Variants in WWC1 observed in about 807,000 individuals in gnomAD.
WWC1 encodes protein KIBRA.
Under a neutral mutation model 138.4 loss-of-function variants are expected in WWC1, and 55 were observed. The ratio of observed to expected loss-of-function variants is 0.40; its 90% CI spans 0.32 to 0.50. The LOEUF (loss-of-function observed/expected upper bound fraction) is 0.50. WWC1 is among the 20% of genes least tolerant of loss of function. WWC1 has a pLI of 0.72. For missense variants in WWC1, 1,226 were observed against 1,420.4 expected (o/e 0.86, Z 2.20); for synonymous variants, 524 against 564.9 (o/e 0.93, Z 1.03).
chr5:168,453,849 T>A, intron 17 of WWC1, 119 bp from the exon 18 acceptor site: 1 of 1,510,162 alleles, frequency 6.6e-7, no homozygotes, highest in South Asian at 1.3e-5. Context: ...CCCAAAACTT[T>A]TTAAAATATA....
At chr5:168,321,487 TGAA>T (rs1772076063) in intron 1 of WWC1, among the ~76,000 whole-genome samples, 1 of 151,766 alleles carries the variant, frequency 6.6e-6, no homozygotes, top group African/African-American at 2.4e-5. Flanking sequence ...TCCAACTCCC[TGAA>T]GGGGGACAGG....
At position 168,313,313 on chromosome 5, in the gene WWC1, C is replaced by T. The variant is rs546383331; in HGVS notation, c.119+21042C>T. The stretch of plus-strand genomic sequence containing the variant: ...TTTATTAGAAATGCAGAATCCCAGC[C>T]GGGCACAGTGCTCATGCCTGTAGTC... On this transcript the variant is annotated intron_variant, in intron 1 of 22. Transcript: ENST00000265293. Among the ~76,000 whole-genome samples, 15 of 151,764 alleles carry T rather than the reference C, an allele frequency of 9.9e-5. 1 individual carries two copies. The highest frequency in any genetic ancestry group is 8.4e-4 in the South Asian group (4 of 4,784).
intron 1 of WWC1, among the ~76,000 whole-genome samples, chr5:168,346,511 AAC>A (rs1739619235): frequency 6.6e-6 from 1 of 152,162 alleles, no homozygotes; most frequent in Non-Finnish European, 1.5e-5. Flanking sequence ...AACAGGTAGA[AAC>A]ACAGTGCCTG....
chr5:168,437,447 C>G (rs1434491391), intron 15 of WWC1, among the ~76,000 whole-genome samples: 1 of 152,132 alleles, frequency 6.6e-6, no homozygotes, highest in East Asian at 1.9e-4. Flanking sequence ...TAATGGTACA[C>G]TTTTAAATGA....
chr5:168,296,247 A>G (rs1215234566), intron 1 of WWC1, among the ~76,000 whole-genome samples: 4 of 152,150 alleles, frequency 2.6e-5, no homozygotes, highest in African/African-American at 9.7e-5. Context: ...TCTCATAGGA[A>G]CCACCTGGGA....
At chr5:168,297,761 A>T (rs998657207) in intron 1 of WWC1, among the ~76,000 whole-genome samples, 1 of 152,086 alleles carries the variant, frequency 6.6e-6, no homozygotes, top group African/African-American at 2.4e-5. Flanking sequence ...ATTTTTTACT[A>T]AAAGTCAGAT....
intron 2 of WWC1, among the ~76,000 whole-genome samples, chr5:168,384,201 C>A (rs1777864294): frequency 6.6e-6 from 1 of 152,108 alleles, no homozygotes; most frequent in African/African-American, 2.4e-5. Context: ...TACTTAACCT[C>A]TCTACGTCTC....
At chr5:168,442,831 C>T (rs1386331780) in intron 16 of WWC1, among the ~76,000 whole-genome samples, 8 of 138,812 alleles carry the variant, frequency 5.8e-5, no homozygotes, top group Non-Finnish European at 4.6e-5. Flanking sequence ...AGCAAGACTC[C>T]ATCTCAGAAA....
intron 3 of WWC1, 132 bp from the exon 4 acceptor site, chr5:168,397,592 C>A: frequency 1.2e-6 from 1 of 831,594 alleles, no homozygotes; most frequent in Non-Finnish European, 1.9e-6. Flanking sequence ...GTAACAAATC[C>A]CCCTTTGTTG....
chr5:168,309,913 A>G (rs1251981428), intron 1 of WWC1, among the ~76,000 whole-genome samples: 1 of 152,122 alleles, frequency 6.6e-6, no homozygotes, highest in Non-Finnish European at 1.5e-5. Context: ...ACAAACTACA[A>G]CAAATCGAAA....
chr5:168,292,472 C>A lies in WWC1; in HGVS notation c.119+201C>A, dbSNP rs1280232894. On this transcript the variant is annotated intron_variant, in intron 1 of 22. Coordinates refer to ENST00000265293, the MANE Select transcript of WWC1 (RefSeq NM_015238.3). This position sits in a 1 kb window ranked among gnomAD's most constrained non-coding sequence, Gnocchi z 4.4. ...GTGGGCCACCGAGAGGAGGCGCCTGCCGGGGAGCTGGCCCAGGCTGCCCCA... is the reference window on the plus strand; with the variant it reads ...GTGGGCCACCGAGAGGAGGCGCCTGACGGGGAGCTGGCCCAGGCTGCCCCA... 6.6e-6 allele frequency among the ~76,000 whole-genome samples: 1 copy of A among 152,074 alleles called. No homozygotes were observed. Among genetic ancestry groups the A allele is most frequent in the Non-Finnish European group, 1.5e-5 (1 of 67,994 alleles).
chr5:168,351,953 A>G (rs139343306), intron 1 of WWC1, among the ~76,000 whole-genome samples: 1 of 152,242 alleles, frequency 6.6e-6, no homozygotes, highest in African/African-American at 2.4e-5. Flanking sequence ...TTCTCTGTGC[A>G]GTAACCCTCC....
intron 15 of WWC1, among the ~76,000 whole-genome samples, chr5:168,434,039 C>G (rs1037795864): frequency 2.1e-4 from 32 of 152,242 alleles, no homozygotes. Context: ...ACAGGGCTCC[C>G]TGGAGCCCAG....
Position 168,438,187 on chromosome 5 carries a change from C to G in WWC1, c.2281-3495C>G, listed in dbSNP as rs139323164. Among the ~76,000 whole-genome samples, 715 of 152,244 alleles carry G rather than the reference C, an allele frequency of 4.7e-3. 11 individuals are homozygous for G. Among genetic ancestry groups the G allele is most frequent in the African/African-American group, 0.016 (677 of 41,520 alleles). ...TCAACACCGTGCTCTCAGAAACCACCTTTCACTGTCCCAGACCTAGCACAG... is the reference window on the plus strand; with the variant it reads ...TCAACACCGTGCTCTCAGAAACCACGTTTCACTGTCCCAGACCTAGCACAG... On this transcript the variant is annotated intron_variant, in intron 15 of 22. Transcript: ENST00000265293.
chr5:168,460,850 A>G, intron 20 of WWC1, 108 bp downstream of exon 20: 1 of 1,166,388 alleles, frequency 8.6e-7, no homozygotes, highest in Non-Finnish European at 1.2e-6. Flanking sequence ...CTCCTCAGCC[A>G]CTGGCTAGAA....
intron 11 of WWC1, among the ~76,000 whole-genome samples, chr5:168,427,092 G>A (rs1245395315): frequency 6.6e-6 from 1 of 152,202 alleles, no homozygotes; most frequent in Non-Finnish European, 1.5e-5. Flanking sequence ...GGAAGAACGG[G>A]TGCTTAATCT....
rs1769146963 is a variant in WWC1, at chr5:168,292,520, TTAGGCC to T, written c.119+250_119+255del. On this transcript the variant is annotated intron_variant, in intron 1 of 22. Transcript: ENST00000265293. This position sits in a 1 kb window ranked among gnomAD's most constrained non-coding sequence, Gnocchi z 4.4. Reference sequence around the variant, plus strand: ...CCACCGCCATCCCCAGTTGGAGGACTTAGGCCCCAGCCGGCACCTGCCCGGAGTTTT... The same window carrying T: ...CCACCGCCATCCCCAGTTGGAGGACTCCAGCCGGCACCTGCCCGGAGTTTT... 6.6e-6 allele frequency among the ~76,000 whole-genome samples: 1 copy of T among 151,338 alleles called. No individual in the cohort carries two copies. Among genetic ancestry groups the T allele is most frequent in the South Asian group, 2.1e-4 (1 of 4,806 alleles).
chr5:168,328,237 C>T (rs962816163), intron 1 of WWC1, among the ~76,000 whole-genome samples: 20 of 152,076 alleles, frequency 1.3e-4, no homozygotes, highest in South Asian at 2.1e-4. Context: ...CTCACTGGGC[C>T]GTCATAGAGA....
intron 1 of WWC1, among the ~76,000 whole-genome samples, chr5:168,325,930 T>C (rs1413653706): frequency 2.6e-5 from 4 of 152,222 alleles, no homozygotes; most frequent in African/African-American, 7.2e-5. Context: ...GTGGTTTCAC[T>C]TAGCATTATG....
Sources: gnomAD v4.1 joint callset for allele counts (sites outside exome capture counted in the v4.1 genomes callset) on GRCh38, gnomAD v4.1.1 for gene constraint, Gnocchi (gnomAD v3.1) non-coding constraint, MANE v1.5 for transcripts, NCBI Gene and HGNC (gene_info 2026-07-23, HGNC 2026-07-21) for gene names.